ABLIM1: variants seen among roughly 807,000 people sequenced by gnomAD.
ABLIM1 encodes the protein actin-binding LIM protein 1.
In ABLIM1, 40 loss-of-function variants were observed where a neutral mutation model predicts 107.0. That is an observed-to-expected ratio of 0.37 (90% CI 0.29 to 0.49). ABLIM1 has a LOEUF of 0.49. Among genes scored for constraint, ABLIM1 ranks in the 20% least tolerant of loss-of-function variants. The pLI is 0.97. For synonymous variants in ABLIM1, 357 were observed against 357.3 expected, an observed-to-expected ratio of 1.00 and a Z score of 0.01; for missense variants, 857 against 1,008.5, an observed-to-expected ratio of 0.85 and a Z score of 2.04.
At chr10:114,628,374 T>C (rs574685218) in intron 1 of ABLIM1, among the ~76,000 whole-genome samples, 13 of 152,338 alleles carry the variant, frequency 8.5e-5, no homozygotes, top group African/African-American at 2.9e-4. Flanking sequence ...CTCAACATCA[T>C]ACAATGCACA....
chr10:114,500,510 T>C (rs1424557076), intron 6 of ABLIM1, among the ~76,000 whole-genome samples: 1 of 151,594 alleles, frequency 6.6e-6, no homozygotes, highest in East Asian at 1.9e-4. Context: ...AGAAACCCCA[T>C]CTCTACAAAC....
At chr10:114,483,484 C>T (rs2057697813) in intron 8 of ABLIM1, among the ~76,000 whole-genome samples, 1 of 152,028 alleles carries the variant, frequency 6.6e-6, no homozygotes, top group African/African-American at 2.4e-5. Flanking sequence ...GCCATATTGC[C>T]CAGGCTGGTC....
At chr10:114,487,649 C>G (rs1194783054) in intron 8 of ABLIM1, among the ~76,000 whole-genome samples, 3 of 152,148 alleles carry the variant, frequency 2.0e-5, no homozygotes, top group African/African-American at 7.2e-5. Flanking sequence ...AGATGCTGCA[C>G]CTGGAACCTG....
intron 12 of ABLIM1, among the ~76,000 whole-genome samples, chr10:114,463,413 T>G (rs2064375915): frequency 6.6e-6 from 1 of 151,982 alleles, no homozygotes; most frequent in Non-Finnish European, 1.5e-5. Context: ...ATGGCTTTGG[T>G]GAGGAGAAAT....
intron 16 of ABLIM1, 83 bp downstream of exon 16, chr10:114,445,229 G>T (rs1047463398): frequency 2.3e-6 from 3 of 1,285,716 alleles, no homozygotes; most frequent in Non-Finnish European, 3.4e-6. Context: ...TATCTAGATG[G>T]TTTATACATA....
intron 4 of ABLIM1, among the ~76,000 whole-genome samples, chr10:114,556,787 T>C (rs1344724746): frequency 2.0e-5 from 3 of 152,198 alleles, no homozygotes; most frequent in African/African-American, 7.2e-5. Context: ...TTGACAAATA[T>C]TGACTGGCCA....
chr10:114,466,216 C>A (rs2065115765), intron 11 of ABLIM1, among the ~76,000 whole-genome samples: 1 of 152,064 alleles, frequency 6.6e-6, no homozygotes, highest in African/African-American at 2.4e-5. Context: ...ATGGCACATG[C>A]CTGCAGTCCC....
intron 6 of ABLIM1, among the ~76,000 whole-genome samples, chr10:114,511,863 A>G (rs1248766358): frequency 1.3e-5 from 2 of 152,202 alleles, no homozygotes; most frequent in East Asian, 3.9e-4. Flanking sequence ...CATTAAGTTT[A>G]AAGACCTCTC....
At chr10:114,659,022 C>T (rs2079659593), upstream of ABLIM1, among the ~76,000 whole-genome samples, 1 of 152,168 alleles carries the variant, frequency 6.6e-6, no homozygotes, top group Non-Finnish European at 1.5e-5. Flanking sequence ...CAGTAAGATG[C>T]AGTACAAAAT....
intron 1 of ABLIM1, among the ~76,000 whole-genome samples, chr10:114,625,753 T>G (rs1245478031): frequency 6.6e-6 from 1 of 152,150 alleles, no homozygotes; most frequent in Non-Finnish European, 1.5e-5. Context: ...AGGGTGGACA[T>G]TAGCACTGGT....
chr10:114,759,092 C>G (rs2082690259), intron 1 of ABLIM1, among the ~76,000 whole-genome samples: 1 of 152,194 alleles, frequency 6.6e-6, no homozygotes, highest in African/African-American at 2.4e-5. Flanking sequence ...CGACCCACAA[C>G]TCCTGCTTTC....
chr10:114,657,420 G>A (rs1346072300), intron 1 of ABLIM1, among the ~76,000 whole-genome samples: 1 of 152,208 alleles, frequency 6.6e-6, no homozygotes, highest in South Asian at 2.1e-4. Flanking sequence ...GCAGAGGGAT[G>A]AGTGACACGT....
intron 2 of ABLIM1, among the ~76,000 whole-genome samples, chr10:114,591,447 A>C (rs1306426808): frequency 6.6e-6 from 1 of 152,232 alleles, no homozygotes; most frequent in Admixed American, 6.5e-5. Context: ...AACAAATATT[A>C]AATGGTATAA....
intron 8 of ABLIM1, among the ~76,000 whole-genome samples, chr10:114,479,012 G>A (rs1321652128): frequency 1.3e-5 from 2 of 152,140 alleles, no homozygotes; most frequent in East Asian, 3.8e-4. Context: ...GCTGGCTTTG[G>A]TGCCAAATAA....
intron 1 of ABLIM1, among the ~76,000 whole-genome samples, chr10:114,734,865 T>C (rs1294357681): frequency 6.6e-6 from 1 of 152,092 alleles, no homozygotes; most frequent in East Asian, 1.9e-4. Context: ...AACTAATAAG[T>C]AAACATACGC....
At chr10:114,589,696 C>T (rs919743782) in intron 2 of ABLIM1, among the ~76,000 whole-genome samples, 19 of 152,130 alleles carry the variant, frequency 1.2e-4, no homozygotes, top group African/African-American at 4.6e-4. Flanking sequence ...ATGTGTGCCA[C>T]CATGCCTGGC....
At chr10:114,598,486 G>T (rs1363129835) in intron 2 of ABLIM1, among the ~76,000 whole-genome samples, 1 of 152,002 alleles carries the variant, frequency 6.6e-6, no homozygotes, top group Non-Finnish European at 1.5e-5. Context: ...TACTCAGGAG[G>T]CTGAGGCAGG....
chr10:114,447,803 C>T, intron 15 of ABLIM1, 77 bp downstream of exon 15: 2 of 1,571,276 alleles, frequency 1.3e-6, no homozygotes, highest in African/African-American at 1.4e-5. Flanking sequence ...GATACATTTT[C>T]TTTCATGTTT....
intron 17 of ABLIM1, among the ~76,000 whole-genome samples, chr10:114,442,225 T>C (rs2060296707): frequency 1.3e-5 from 2 of 152,226 alleles, no homozygotes; most frequent in Non-Finnish European, 1.5e-5. Flanking sequence ...CTGAATACAT[T>C]AGCCCATGCC....
Sources: allele counts gnomAD v4.1 joint callset (sites outside exome capture counted in the v4.1 genomes callset), GRCh38; gene constraint gnomAD v4.1.1; transcripts MANE v1.5; gene names NCBI Gene and HGNC (gene_info 2026-07-23, HGNC 2026-07-21).